Variants in DLC1 observed in about 807,000 individuals in gnomAD.
The protein encoded by DLC1 is DLC1 Rho GTPase activating protein.
DLC1 carries 54 observed loss-of-function variants against 140.3 expected under a neutral mutation model. The ratio of observed to expected loss-of-function variants is 0.38; its 90% CI spans 0.31 to 0.48. DLC1 has a LOEUF of 0.48. Among genes scored for constraint, DLC1 ranks in the 20% least tolerant of loss-of-function variants. DLC1 has a pLI of 0.96. For synonymous variants in DLC1, 986 were observed against 728.1 expected, an observed-to-expected ratio of 1.35 and a Z score of -5.70; for missense variants, 2,536 against 1,907.0, an observed-to-expected ratio of 1.33 and a Z score of -6.14.
chr8:13,519,003 T>G (rs2117279295), upstream of DLC1, among the ~76,000 whole-genome samples: 1 of 152,304 alleles, frequency 6.6e-6, no homozygotes, highest in East Asian at 1.9e-4. Context: ...TTTACTTTTT[T>G]TATTATACTA....
chr8:13,100,080 C>T lies in DLC1; in HGVS notation c.2257G>A (p.Val753Ile), dbSNP rs1271442617. The change falls in exon 9 of 18, where the codon GTC (valine) becomes ATC (isoleucine). Residue 753 changes from valine to isoleucine, a missense_variant. Coordinates refer to ENST00000276297, the MANE Select transcript of DLC1 (RefSeq NM_182643.3). ...CTCGTAACAGGGCTGGGCGTGCTGA[C>T]CGCGCTGCTGGTCTCCGACTGGCTG... ...SSSQSETSSA[V>I]STPSPVTRTR... The T allele has an allele frequency of 6.2e-7, 1 of 1,613,676 alleles. No homozygotes were observed. The highest frequency in any genetic ancestry group is 1.3e-5 in the African/African-American group (1 of 75,068).
At chr8:13,279,172 A>G (rs1033157851) in intron 5 of DLC1, among the ~76,000 whole-genome samples, 1 of 152,212 alleles carries the variant, frequency 6.6e-6, no homozygotes, top group African/African-American at 2.4e-5. Flanking sequence ...GTCTGCAGAT[A>G]GATTTGAGGT....
chr8:13,456,769 C>T (rs1341129960), intron 2 of DLC1, among the ~76,000 whole-genome samples: 1 of 152,100 alleles, frequency 6.6e-6, no homozygotes, highest in East Asian at 1.9e-4. Context: ...CCATAATATA[C>T]TGCTTTGCAG....
chr8:13,558,976 T>C (rs554367269), intron 1 of DLC1: 1 of 152,300 alleles, frequency 6.6e-6, no homozygotes, highest in East Asian at 1.9e-4. Context: ...CTTGCAAACA[T>C]AGCAGAAGCT....
At chr8:13,234,628 C>T (rs1011274573) in intron 5 of DLC1, among the ~76,000 whole-genome samples, 2 of 151,980 alleles carry the variant, frequency 1.3e-5, no homozygotes, top group African/African-American at 4.8e-5. Flanking sequence ...GGTAGAATAC[C>T]TTTACTGGTT....
At chr8:13,130,018 G>C (rs933671441) in intron 5 of DLC1, among the ~76,000 whole-genome samples, 4 of 152,120 alleles carry the variant, frequency 2.6e-5, no homozygotes, top group African/African-American at 7.2e-5. Flanking sequence ...TCCAGCACAA[G>C]GCTCTCTTCC....
At chr8:13,521,409 A>T (rs913214820) in intron 1 of DLC1, among the ~76,000 whole-genome samples, 6 of 129,372 alleles carry the variant, frequency 4.6e-5, no homozygotes, top group Admixed American at 3.6e-4. Flanking sequence ...ACTTAAAATT[A>T]AAAAAAAAAA....
rs1563149696 is a variant in DLC1 at position 13,188,820 on chromosome 8, TATATATGTATATATATATATA to T, written c.1349-73184_1349-73164del. ...GTGTGTGTATATATATATATATATA[TATATATGTATATATATATATA>T]TATTTTTTTTTTTTTTTTTTTTTTT... On this transcript the variant is annotated intron_variant, in intron 5 of 17. Coordinates refer to ENST00000276297, the MANE Select transcript of DLC1 (RefSeq NM_182643.3). 9.4e-5 allele frequency among the ~76,000 whole-genome samples: 4 copies of T among 42,538 alleles called. 2 individuals carry two copies. The highest frequency in any genetic ancestry group is 1.8e-4 in the Non-Finnish European group (4 of 21,998). 27.9% of individuals were successfully genotyped at this position (42,538 alleles called of 152,430 possible). A position where few individuals can be genotyped will look rare whatever the true frequency, so the allele number is the denominator to read the frequency against.
chr8:13,496,505 A>G (rs560172139), intron 2 of DLC1, among the ~76,000 whole-genome samples: 220 of 152,004 alleles, frequency 1.4e-3, no homozygotes, highest in African/African-American at 4.6e-3. Flanking sequence ...TTTTGTGCCT[A>G]TTTAGCCAGG....
At chr8:13,136,306 G>T (rs10103017) in intron 5 of DLC1, among the ~76,000 whole-genome samples, 49,499 of 151,950 alleles carry the variant, frequency 0.33, 8,403 homozygotes, top group Admixed American at 0.46. Flanking sequence ...GTACCTAACA[G>T]TTTTTCAACT....
chr8:13,202,714 C>T (rs1180679558), intron 5 of DLC1, among the ~76,000 whole-genome samples: 2 of 151,760 alleles, frequency 1.3e-5, no homozygotes, highest in Admixed American at 1.3e-4. Context: ...CTCACTGTTA[C>T]CCAGGCTGGA....
chr8:13,200,403 T>C (rs1259497005), intron 5 of DLC1, among the ~76,000 whole-genome samples: 2 of 151,984 alleles, frequency 1.3e-5, no homozygotes, highest in African/African-American at 2.4e-5. Context: ...GGTATGGAAA[T>C]TGAGGTGTCG....
chr8:13,358,219 C>T (rs1250925490), intron 4 of DLC1, among the ~76,000 whole-genome samples: 1 of 152,182 alleles, frequency 6.6e-6, no homozygotes, highest in Non-Finnish European at 1.5e-5. Flanking sequence ...TATATCAGAG[C>T]AAGCTTCTTT....
chr8:13,372,031 C>G (rs1835754095), intron 4 of DLC1, among the ~76,000 whole-genome samples: 1 of 152,128 alleles, frequency 6.6e-6, no homozygotes, highest in Non-Finnish European at 1.5e-5. Flanking sequence ...TCACCAAACA[C>G]ATTAAAATAG....
intron 4 of DLC1, among the ~76,000 whole-genome samples, chr8:13,368,582 C>G (rs888787266): frequency 2.7e-5 from 4 of 150,642 alleles, no homozygotes; most frequent in Non-Finnish European, 4.4e-5. Flanking sequence ...AGTGTTCTGT[C>G]AGAGAGAATT....
intron 4 of DLC1, among the ~76,000 whole-genome samples, chr8:13,329,457 T>C (rs1242697442): frequency 6.6e-6 from 1 of 152,156 alleles, no homozygotes; most frequent in Non-Finnish European, 1.5e-5. Flanking sequence ...CCCAGACTGG[T>C]TTAACCCCAG....
chr8:13,187,390 G>T (rs923844605), intron 5 of DLC1, among the ~76,000 whole-genome samples: 1 of 152,010 alleles, frequency 6.6e-6, no homozygotes, highest in Non-Finnish European at 1.5e-5. Flanking sequence ...TTTTTCACTA[G>T]ACTATAGGTC....
intron 4 of DLC1, among the ~76,000 whole-genome samples, chr8:13,336,300 T>C (rs1013766516): frequency 4.6e-5 from 7 of 152,248 alleles, no homozygotes; most frequent in African/African-American, 9.6e-5. Context: ...TGGTTGATTA[T>C]TGAAATCAAA....
chr8:13,221,701 TG>T (rs1333422969), intron 5 of DLC1, among the ~76,000 whole-genome samples: 1 of 116,058 alleles, frequency 8.6e-6, no homozygotes, highest in African/African-American at 3.3e-5. Flanking sequence ...TGTGTGTATA[TG>T]TGTGTGTATA....
Sources: allele counts gnomAD v4.1 joint callset (sites outside exome capture counted in the v4.1 genomes callset), GRCh38; gene constraint gnomAD v4.1.1; transcripts MANE v1.5; gene names NCBI Gene and HGNC (gene_info 2026-07-23, HGNC 2026-07-21).